Variants in IMP4 observed in about 807,000 individuals in gnomAD.
IMP4 encodes IMP U3 small nucleolar ribonucleoprotein 4.
In IMP4, 30 loss-of-function variants were observed where a neutral mutation model predicts 42.7. The ratio of observed to expected loss-of-function variants is 0.70; its 90% CI spans 0.53 to 0.95. The LOEUF (loss-of-function observed/expected upper bound fraction) is 0.95. Ranked by LOEUF, IMP4 falls within the 40% of genes least tolerant of loss-of-function variation. The pLI is 0.00. For missense variants in IMP4, 382 were observed against 411.4 expected (o/e 0.93, Z 0.62); for synonymous variants, 165 against 165.2 (o/e 1.00, Z 0.01).
In IMP4 at chr2:130,346,031, T is replaced by A; in HGVS notation, c.608T>A (p.Leu203His). Residue 203 changes from leucine to histidine, a missense_variant, in exon 7 of 9, where the codon CTC becomes CAC. Coordinates refer to ENST00000259239, the MANE Select transcript of IMP4 (RefSeq NM_033416.3). ...CTTGTGCCCCAGGTCTCTGACATCC[T>A]CCGATACCTATTTCCCGTGCCCAAA... is the stretch of plus-strand genomic sequence containing the variant. The part of the protein sequence containing the change: ...SRLGKRVSDI[L>H]RYLFPVPKDD... 1 of 1,614,134 alleles carries A rather than the reference T, an allele frequency of 6.2e-7. No homozygotes were observed. The highest frequency in any genetic ancestry group is 8.5e-7 in the Non-Finnish European group (1 of 1,180,016).
chr2:130,343,244 C>T, intron 2 of IMP4, 50 bp downstream of exon 2: 2 of 1,261,472 alleles, frequency 1.6e-6, no homozygotes, highest in Non-Finnish European at 2.3e-6. Context: ...CCCCGGCACG[C>T]ATTTGTGTTC....
Position 130,345,342 on chromosome 2 carries a change from A to G in IMP4, c.197-34A>G. 6.5e-7 allele frequency: 1 copy of G among 1,541,320 alleles called. No individual in the cohort carries two copies. The highest frequency in any genetic ancestry group is 9.0e-7 in the Non-Finnish European group (1 of 1,116,958). On this transcript the variant is annotated intron_variant, in intron 3 of 8. Coordinates refer to ENST00000259239, the MANE Select transcript of IMP4 (RefSeq NM_033416.3). The surrounding 1 kb of genome is among the most constrained non-coding windows in gnomAD (Gnocchi z 4.9). The stretch of plus-strand genomic sequence containing the variant: ...CCGAAGTTAGCATTTCATTCCCAAG[A>G]CTGTCATGTTCTTGCCCCTCGTGCT...
At chr2:130,343,752 A>G (rs547816470) in intron 2 of IMP4, among the ~76,000 whole-genome samples, 178 of 152,160 alleles carry the variant, frequency 1.2e-3, no homozygotes, top group African/African-American at 4.1e-3. Flanking sequence ...AAAAAAAAAA[A>G]AAAGAAATTC....
chr2:130,344,387 A>C (rs1311543961), intron 2 of IMP4, among the ~76,000 whole-genome samples: 1 of 152,216 alleles, frequency 6.6e-6, no homozygotes, highest in African/African-American at 2.4e-5. Flanking sequence ...AATACAGTAC[A>C]TTAAGATATT....
rs1679519117 is a variant in IMP4 at position 130,345,915 on chromosome 2, C to T, written c.576C>T (p.Ser192=). 3.7e-6 allele frequency: 6 copies of T among 1,614,210 alleles called. No homozygotes were observed. The highest frequency in any genetic ancestry group is 4.2e-6 in the Non-Finnish European group (5 of 1,180,048). ...CCCACCTCATCACACACGGCTTCTC[C>T]TCCCGCCTGGGCAAGCGGGTGAGTC... The part of the protein sequence containing the change: ...AKPHLITHGF[S]SRLGKRVSDI... The change falls in exon 6 of 9, where the codon TCC becomes TCT. Residue 192 remains serine (S), a synonymous_variant. Coordinates refer to ENST00000259239, the MANE Select transcript of IMP4 (RefSeq NM_033416.3). The surrounding 1 kb of genome is among the most constrained non-coding windows in gnomAD (Gnocchi z 4.9).
Position 130,345,507 on chromosome 2 carries a change from G to C in IMP4, c.306+22G>C, listed in dbSNP as rs1238416677. ...AAAGGTACTGGTGAGCAGGGAGTGA[G>C]GGAGAGACACCCAGGACACACAGCC... On this transcript the variant is annotated intron_variant, in intron 4 of 8. Transcript: ENST00000259239. This position sits in a 1 kb window ranked among gnomAD's most constrained non-coding sequence, Gnocchi z 4.9. 6.2e-7 allele frequency: 1 copy of C among 1,613,892 alleles called. No homozygotes were observed. The highest frequency in any genetic ancestry group is 8.5e-7 in the Non-Finnish European group (1 of 1,179,972).
In IMP4 at chr2:130,345,054, A is replaced by C; in HGVS notation, c.197-322A>C. The C allele has an allele frequency of 1.8e-6, 1 of 551,112 alleles. No homozygotes were observed. The highest frequency in any genetic ancestry group is 3.3e-6 in the Non-Finnish European group (1 of 307,688). The allele number at this position is 551,112 out of a possible 1,614,324, so 34.1% of individuals were successfully genotyped here. On this transcript the variant is annotated intron_variant, in intron 3 of 8. Transcript: ENST00000259239. This position sits in a 1 kb window ranked among gnomAD's most constrained non-coding sequence, Gnocchi z 4.9. ...AAGAAAGGAATCCCAAACATTATAGATATTTGTTACGAGGGAAAAGAGTTT... is the reference window on the plus strand; with the variant it reads ...AAGAAAGGAATCCCAAACATTATAGCTATTTGTTACGAGGGAAAAGAGTTT...
In IMP4 at chr2:130,345,414, G is replaced by A; in HGVS notation, c.235G>A (p.Gly79Arg). Residue 79 changes from glycine (G) to arginine (R), a missense_variant, in exon 4 of 9, where the codon GGA (glycine) becomes AGA (arginine). By Grantham distance (125) the Gly-to-Arg change is moderately radical (BLOSUM62 -2). Coordinates refer to ENST00000259239, the MANE Select transcript of IMP4 (RefSeq NM_033416.3). The surrounding 1 kb of genome is among the most constrained non-coding windows in gnomAD (Gnocchi z 4.9). ...SHVDDEYRWA[G>R]VEDPKVMITT... Reference sequence around the variant, plus strand: ...CGTGGATGATGAATACCGATGGGCAGGAGTCGAGGATCCCAAGGTTATGAT... The same window carrying A: ...CGTGGATGATGAATACCGATGGGCAAGAGTCGAGGATCCCAAGGTTATGAT... The A allele has an allele frequency of 6.2e-7, 1 of 1,614,118 alleles. No individual in the cohort carries two copies. Among genetic ancestry groups the A allele is most frequent in the Non-Finnish European group, 8.5e-7 (1 of 1,180,006 alleles).
In IMP4 at chr2:130,347,171, T is replaced by C. The variant is rs1210992396; in HGVS notation, c.*703T>C. 1 of 152,416 alleles carries C rather than the reference T, an allele frequency of 6.6e-6. No homozygotes were observed. The highest frequency in any genetic ancestry group is 1.5e-5 in the Non-Finnish European group (1 of 68,226). 9.4% of individuals were successfully genotyped at this position (152,416 alleles called of 1,614,324 possible). On this transcript the variant is annotated 3_prime_UTR_variant, in exon 9 of 9. Transcript: ENST00000259239. ...TAGCTATCTTTTGAAGATAATGATT[T>C]CATCTCTTTTTTATATGTATACCCA...
intron 3 of IMP4, 108 bp downstream of exon 3, chr2:130,344,820 C>T (rs972787900): frequency 2.6e-6 from 2 of 777,426 alleles, no homozygotes; most frequent in South Asian, 2.9e-5. Context: ...TGGAACTGTC[C>T]CCCATGCCCT....
Position 130,346,359 on chromosome 2 carries a change from A to T in IMP4, c.767A>T (p.Tyr256Phe). 1 of 1,592,818 alleles carries T rather than the reference A, an allele frequency of 6.3e-7. No individual in the cohort carries two copies. The highest frequency in any genetic ancestry group is 8.5e-7 in the Non-Finnish European group (1 of 1,169,750). Reference sequence around the variant, plus strand: ...CTGATGCCATCCCTGCCTGCAGTGTACATGATCCGTCTGGGCACGCTGGAG... The same window carrying T: ...CTGATGCCATCCCTGCCTGCAGTGTTCATGATCCGTCTGGGCACGCTGGAG... ...EVGPRFELKL[Y>F]MIRLGTLEQE... The change falls in exon 9 of 9, where the codon TAC becomes TTC. Residue 256 changes from tyrosine to phenylalanine, a missense_variant. Coordinates refer to ENST00000259239, the MANE Select transcript of IMP4 (RefSeq NM_033416.3).
chr2:130,343,918 C>G (rs924868169), intron 2 of IMP4, among the ~76,000 whole-genome samples: 1 of 152,230 alleles, frequency 6.6e-6, no homozygotes, highest in African/African-American at 2.4e-5. Context: ...CCAGGGCCCG[C>G]TGAAGCCATG....
At chr2:130,344,604 C>T in intron 2 of IMP4, 25 bp from the exon 3 acceptor site, 2 of 1,552,444 alleles carry the variant, frequency 1.3e-6, no homozygotes, top group East Asian at 4.5e-5. Context: ...GTGACTCACT[C>T]AGCCCCTCTC....
At chr2:130,343,609 C>G (rs1350191215) in intron 2 of IMP4, among the ~76,000 whole-genome samples, 1 of 151,852 alleles carries the variant, frequency 6.6e-6, no homozygotes, top group Admixed American at 6.6e-5. Flanking sequence ...CGTGGTGGCA[C>G]GCGCCTGTAA....
At chr2:130,344,603 T>C (rs1466464300) in intron 2 of IMP4, 26 bp from the exon 3 acceptor site, 1 of 1,547,152 alleles carries the variant, frequency 6.5e-7, no homozygotes. Context: ...TGTGACTCAC[T>C]CAGCCCCTCT....
rs1226702767 is a variant in IMP4 at position 130,346,126 on chromosome 2, C to T, written c.689+14C>T. 3 of 1,613,430 alleles carry T rather than the reference C, an allele frequency of 1.9e-6. No individual in the cohort carries two copies. The South Asian group carries it at 3.3e-5, about 18-fold the overall frequency. On this transcript the variant is annotated intron_variant, in intron 7 of 8. Transcript: ENST00000259239. ...CATATCATTCCGGTGGGTCCACGGG[C>T]CATGCCCCAGGAAAGCATCCCCACC...
In IMP4 at chr2:130,345,421, A is replaced by C. The variant is rs1679454132; in HGVS notation, c.242A>C (p.Glu81Ala). The C allele has an allele frequency of 1.2e-6, 2 of 1,614,042 alleles. No individual in the cohort carries two copies. Among genetic ancestry groups the C allele is most frequent in the Non-Finnish European group, 1.7e-6 (2 of 1,179,982 alleles). The change falls in exon 4 of 9, where the codon GAG becomes GCG. Residue 81 changes from glutamate (E) to alanine (A), a missense_variant. Physicochemically the swap from Glu to Ala is moderately radical, Grantham distance 107. Transcript: ENST00000259239. This position sits in a 1 kb window ranked among gnomAD's most constrained non-coding sequence, Gnocchi z 4.9. ...GATGAATACCGATGGGCAGGAGTCG[A>C]GGATCCCAAGGTTATGATCACTACC... ...VDDEYRWAGVEDPKVMITTSR... is the reference protein window; with the variant it reads ...VDDEYRWAGVADPKVMITTSR...
In IMP4 at chr2:130,344,732, C is replaced by G. The variant is rs773514252; in HGVS notation, c.196+20C>G. The G allele has an allele frequency of 1.3e-6, 2 of 1,535,388 alleles. No homozygotes were observed. Among genetic ancestry groups the G allele is most frequent in the Admixed American group, 3.3e-5 (2 of 59,926 alleles). ...GTGAAGGTAACTATACAAGGTAGCC[C>G]TCCCCAACACTGAGCTGGCAGGTCT... On this transcript the variant is annotated intron_variant, in intron 3 of 8. Transcript: ENST00000259239.
In IMP4 at chr2:130,345,927, C is replaced by G. The variant is rs1221673411; in HGVS notation, c.588C>G (p.Gly196=). Residue 196 remains glycine, a synonymous_variant, in exon 6 of 9, where the codon GGC becomes GGG. Coordinates refer to ENST00000259239, the MANE Select transcript of IMP4 (RefSeq NM_033416.3). The surrounding 1 kb of genome is among the most constrained non-coding windows in gnomAD (Gnocchi z 4.9). ...CACACGGCTTCTCCTCCCGCCTGGG[C>G]AAGCGGGTGAGTCTGGGGGCCTTCA... ...LITHGFSSRL[G]KRVSDILRYL... is the part of the protein sequence containing the mutation. 1.2e-6 allele frequency: 2 copies of G among 1,614,236 alleles called. No homozygotes were observed. The highest frequency in any genetic ancestry group is 2.2e-5 in the South Asian group (2 of 91,086).
Sources: gnomAD v4.1 joint callset for allele counts (sites outside exome capture counted in the v4.1 genomes callset) on GRCh38, gnomAD v4.1.1 for gene constraint, Gnocchi (gnomAD v3.1) non-coding constraint, MANE v1.5 for transcripts, NCBI Gene and HGNC (gene_info 2026-07-23, HGNC 2026-07-21) for gene names.